FRMD6: variants seen among roughly 807,000 people sequenced by gnomAD.
FRMD6 encodes FERM domain containing 6.
FRMD6 carries 37 observed loss-of-function variants against 73.2 expected under a neutral mutation model. The ratio of observed to expected loss-of-function variants is 0.51; its 90% CI spans 0.39 to 0.66. The LOEUF (loss-of-function observed/expected upper bound fraction) is 0.66. Ranked by LOEUF, FRMD6 falls within the 30% of genes least tolerant of loss-of-function variation. FRMD6 has a pLI of 0.00. For synonymous variants in FRMD6, 273 were observed against 282.2 expected (o/e 0.97, Z 0.33); for missense variants, 714 against 780.5 (o/e 0.91, Z 1.02).
intron 2 of FRMD6, among the ~76,000 whole-genome samples, chr14:51,585,775 A>T (rs534233805): frequency 6.6e-6 from 1 of 151,144 alleles, no homozygotes; most frequent in Non-Finnish European, 1.5e-5. Flanking sequence ...TATACCTATT[A>T]TTTACCTCCC....
chr14:51,569,029 A>G (rs1234505658), intron 1 of FRMD6, among the ~76,000 whole-genome samples: 1 of 152,048 alleles, frequency 6.6e-6, no homozygotes, highest in Non-Finnish European at 1.5e-5. Flanking sequence ...TATTTTTGGT[A>G]GAGACAGGTT....
chr14:51,401,498 C>T, the FRMD6 span, among the ~76,000 whole-genome samples: 1 of 152,126 alleles, frequency 6.6e-6, no homozygotes, highest in Non-Finnish European at 1.5e-5. Flanking sequence ...TGCAAGGTCC[C>T]TCTGCAAGGA....
At chr14:51,515,658 C>T (rs897433213) in intron 1 of FRMD6, among the ~76,000 whole-genome samples, 2 of 152,164 alleles carry the variant, frequency 1.3e-5, no homozygotes, top group African/African-American at 4.8e-5. Flanking sequence ...AGCCAGGACA[C>T]CAATTTCTGG....
At chr14:51,429,193 C>T in the FRMD6 span, among the ~76,000 whole-genome samples, 1 of 152,164 alleles carries the variant, frequency 6.6e-6, no homozygotes, top group Non-Finnish European at 1.5e-5. Context: ...CAGCTAAATG[C>T]CACCGACTAA....
intron 1 of FRMD6, among the ~76,000 whole-genome samples, chr14:51,678,931 T>C (rs1223082374): frequency 6.6e-6 from 1 of 152,164 alleles, no homozygotes; most frequent in Non-Finnish European, 1.5e-5. Context: ...GCAAGACTTG[T>C]TCAGGGATCC....
chr14:51,665,850 C>G (rs1042577986), intron 1 of FRMD6, among the ~76,000 whole-genome samples: 1 of 152,088 alleles, frequency 6.6e-6, no homozygotes, highest in Non-Finnish European at 1.5e-5. Context: ...TGGGAGTTTC[C>G]CTGCACAAGC....
intron 2 of FRMD6, among the ~76,000 whole-genome samples, chr14:51,628,435 C>T (rs1891195700): frequency 1.3e-5 from 2 of 152,122 alleles, no homozygotes; most frequent in South Asian, 2.1e-4. Flanking sequence ...CCCAAAATAA[C>T]TCTCATGCCT....
intron 2 of FRMD6, among the ~76,000 whole-genome samples, chr14:51,612,179 A>G (rs936538017): frequency 1.3e-5 from 2 of 152,318 alleles, no homozygotes; most frequent in African/African-American, 4.8e-5. Context: ...CATATGTCTA[A>G]TTTTATGTTT....
intron 2 of FRMD6, among the ~76,000 whole-genome samples, chr14:51,590,062 C>CA (rs529602796): frequency 0.039 from 3,209 of 82,088 alleles, 44 homozygotes; most frequent in Non-Finnish European, 0.062. Flanking sequence ...GAGCGAAACT[C>CA]AAAAAAAAAA....
chr14:51,549,715 C>G (rs7154468), intron 1 of FRMD6, among the ~76,000 whole-genome samples: 1 of 150,274 alleles, frequency 6.7e-6, no homozygotes, highest in African/African-American at 2.4e-5. Context: ...CCTGCCTCAG[C>G]CTCCCGAGTA....
chr14:51,482,700 T>C, the FRMD6 span, among the ~76,000 whole-genome samples: 2 of 57,944 alleles, frequency 3.5e-5, no homozygotes, highest in Admixed American at 3.4e-4. Context: ...GTGTATTTGG[T>C]TTTTGTTTGT....
At chr14:51,679,662 C>A (rs1429542839) in intron 1 of FRMD6, among the ~76,000 whole-genome samples, 1 of 150,562 alleles carries the variant, frequency 6.6e-6, no homozygotes, top group Non-Finnish European at 1.5e-5. Context: ...TTTAATTTCC[C>A]TTGAGATATT....
the FRMD6 span, among the ~76,000 whole-genome samples, chr14:51,408,609 A>G: frequency 6.6e-6 from 1 of 152,118 alleles, no homozygotes; most frequent in African/African-American, 2.4e-5. Context: ...CTCATATTAC[A>G]ATCCCTTTAT....
chr14:51,537,204 C>G (rs1885949398), intron 1 of FRMD6, among the ~76,000 whole-genome samples: 1 of 152,208 alleles, frequency 6.6e-6, no homozygotes, highest in African/African-American at 2.4e-5. Context: ...AGACATTGAT[C>G]TCTCTGTACT....
chr14:51,720,253 C>T lies in FRMD6; in HGVS notation c.1223C>T (p.Pro408Leu), dbSNP rs752330109. The change falls in exon 11 of 14, where the codon CCA becomes CTA. Residue 408 changes from proline to leucine, a missense_variant. Pro to Leu is a moderately conservative substitution (Grantham distance 98). Coordinates refer to ENST00000344768, the MANE Select transcript of FRMD6 (RefSeq NM_001267046.2). ...EADTKPRDTGPEDSYSSSAIH... is the reference protein window; with the variant it reads ...EADTKPRDTGLEDSYSSSAIH... ...GACACCAAGCCCCGGGACACGGGGC[C>T]AGAAGACAGCTACTCCAGCAGTGCC... 6 of 1,613,794 alleles carry T rather than the reference C, an allele frequency of 3.7e-6. No homozygotes were observed. The highest frequency in any genetic ancestry group is 1.6e-4 in the Middle Eastern group (1 of 6,082).
chr14:51,663,984 C>T (rs1311586450), intron 1 of FRMD6, among the ~76,000 whole-genome samples: 2 of 152,182 alleles, frequency 1.3e-5, no homozygotes, highest in African/African-American at 4.8e-5. Context: ...CTTGTTAGGC[C>T]CCATCTCCCA....
At chr14:51,502,325 G>C (rs780483341) in intron 1 of FRMD6, among the ~76,000 whole-genome samples, 3 of 152,184 alleles carry the variant, frequency 2.0e-5, no homozygotes, top group Non-Finnish European at 2.9e-5. Context: ...AGCTTTTATA[G>C]TTTTGGGTTT....
the FRMD6 span, among the ~76,000 whole-genome samples, chr14:51,426,231 A>C: frequency 6.6e-6 from 1 of 152,050 alleles, no homozygotes; most frequent in Non-Finnish European, 1.5e-5. Flanking sequence ...TTCTCTTGGA[A>C]CTTAGCCTGG....
intron 1 of FRMD6, among the ~76,000 whole-genome samples, chr14:51,524,816 T>A (rs1048474501): frequency 1.3e-5 from 2 of 152,154 alleles, no homozygotes; most frequent in African/African-American, 2.4e-5. Flanking sequence ...AACTCAGTGA[T>A]TGATGCAAGA....
Sources: allele counts gnomAD v4.1 joint callset (sites outside exome capture counted in the v4.1 genomes callset), GRCh38; gene constraint gnomAD v4.1.1; transcripts MANE v1.5; gene names NCBI Gene and HGNC (gene_info 2026-07-23, HGNC 2026-07-21).